GALNT17: variants seen among roughly 807,000 people sequenced by gnomAD.
The protein encoded by GALNT17 is polypeptide N-acetylgalactosaminyltransferase 17, also known as UDP-GalNAc:polypeptide N-acetylgalactosaminyltransferase-like 3.
In GALNT17, 29 loss-of-function variants were observed where a neutral mutation model predicts 63.7. The observed-to-expected ratio is 0.46, with a 90% confidence interval of 0.34 to 0.62. The LOEUF (loss-of-function observed/expected upper bound fraction) is 0.62. GALNT17 is among the 20% of genes least tolerant of loss of function. The pLI is 0.01. For synonymous variants in GALNT17, 305 were observed against 318.3 expected, an observed-to-expected ratio of 0.96 and a Z score of 0.45; for missense variants, 603 against 799.6, an observed-to-expected ratio of 0.75 and a Z score of 2.97.
At chr7:71,418,874 G>C (rs1786604933) in intron 4 of GALNT17, among the ~76,000 whole-genome samples, 1 of 152,152 alleles carries the variant, frequency 6.6e-6, no homozygotes, top group Non-Finnish European at 1.5e-5. Context: ...GAGGCGGGCG[G>C]ATCACCTGAG....
chr7:71,617,022 A>G (rs751058228), intron 6 of GALNT17, among the ~76,000 whole-genome samples: 11 of 123,988 alleles, frequency 8.9e-5, no homozygotes, highest in Non-Finnish European at 7.0e-5. Context: ...ATTAAATACT[A>G]TTAACTATAT....
intron 1 of GALNT17, among the ~76,000 whole-genome samples, chr7:71,314,541 A>T (rs1362417227): frequency 1.3e-5 from 2 of 152,186 alleles, no homozygotes; most frequent in East Asian, 3.9e-4. Context: ...GAAAGTCTGG[A>T]AAGAAGGACA....
intron 5 of GALNT17, among the ~76,000 whole-genome samples, chr7:71,489,598 G>T (rs73179306): frequency 6.6e-6 from 1 of 152,366 alleles, no homozygotes; most frequent in Non-Finnish European, 1.5e-5. Context: ...AACCTCAGAA[G>T]GGAGAGCCCC....
intron 1 of GALNT17, among the ~76,000 whole-genome samples, chr7:71,164,908 T>C (rs971087765): frequency 3.9e-5 from 6 of 152,248 alleles, no homozygotes; most frequent in Non-Finnish European, 8.8e-5. Context: ...AGTCATCTTC[T>C]CTAAGAAGCC....
intron 1 of GALNT17, among the ~76,000 whole-genome samples, chr7:71,277,560 C>T (rs1179544985): frequency 2.0e-5 from 3 of 152,132 alleles, no homozygotes; most frequent in African/African-American, 7.2e-5. Context: ...CAGTATATGA[C>T]ATGTCACATT....
At chr7:71,223,374 T>C (rs1789622607) in intron 1 of GALNT17, among the ~76,000 whole-genome samples, 1 of 152,154 alleles carries the variant, frequency 6.6e-6, no homozygotes, top group Non-Finnish European at 1.5e-5. Context: ...TATATCAGTA[T>C]GGACTTATGA....
At chr7:71,397,617 C>G (rs1191529707) in intron 3 of GALNT17, among the ~76,000 whole-genome samples, 1 of 152,188 alleles carries the variant, frequency 6.6e-6, no homozygotes, top group Non-Finnish European at 1.5e-5. Context: ...CTGCATCTAT[C>G]TGAAGTCACA....
At chr7:71,626,997 T>A (rs1474259345) in intron 6 of GALNT17, among the ~76,000 whole-genome samples, 1 of 152,186 alleles carries the variant, frequency 6.6e-6, no homozygotes, top group Non-Finnish European at 1.5e-5. Flanking sequence ...TCCAGTCACT[T>A]GTGACCTCGG....
chr7:71,388,262 C>T lies in GALNT17; in HGVS notation c.450C>T (p.Asp150=). The T allele has an allele frequency of 6.2e-7, 1 of 1,613,950 alleles. No individual in the cohort carries two copies. The highest frequency in any genetic ancestry group is 8.5e-7 in the Non-Finnish European group (1 of 1,179,938). Residue 150 remains aspartate, a synonymous_variant, in exon 3 of 11, where the codon GAC becomes GAT. Transcript: ENST00000333538. ...GTAAGGAGCTCAAGTACTCCAAGGA[C>T]CTGCCCCAGATATCCATCATATTCA... is the stretch of plus-strand genomic sequence containing the variant. ...TKCKELKYSK[D]LPQISIIFIF... is the part of the protein sequence containing the mutation.
chr7:71,166,212 A>G (rs1035789886), intron 1 of GALNT17, among the ~76,000 whole-genome samples: 3 of 152,216 alleles, frequency 2.0e-5, no homozygotes, highest in Non-Finnish European at 4.4e-5. Flanking sequence ...TCAGCTAAAT[A>G]CTGCGTGTGC....
At chr7:71,610,501 T>A (rs1790110053) in intron 6 of GALNT17, among the ~76,000 whole-genome samples, 2 of 151,398 alleles carry the variant, frequency 1.3e-5, no homozygotes, top group South Asian at 4.2e-4. Flanking sequence ...AAATAAAAAA[T>A]TTTCCCTAAA....
chr7:71,498,643 G>A (rs747299370), intron 5 of GALNT17, among the ~76,000 whole-genome samples: 5 of 152,142 alleles, frequency 3.3e-5, no homozygotes, highest in Admixed American at 2.6e-4. Context: ...TGTACAAGGA[G>A]GAGATGAACA....
At position 71,132,509 on chromosome 7, in the gene GALNT17, C is replaced by T. The variant is rs995096687; in HGVS notation, c.-294C>T. On this transcript the variant is annotated 5_prime_UTR_variant, in exon 1 of 11. Coordinates refer to ENST00000333538, the MANE Select transcript of GALNT17 (RefSeq NM_022479.3). Reference sequence around the variant, plus strand: ...TGGTGCAGAAGAGAAACCCTCAAATCCCTGGCCTTTCGCGGAGACGCCTGG... The same window carrying T: ...TGGTGCAGAAGAGAAACCCTCAAATTCCTGGCCTTTCGCGGAGACGCCTGG... The T allele has an allele frequency of 7.8e-6, 3 of 383,772 alleles. No homozygotes were observed. The highest frequency in any genetic ancestry group is 7.1e-4 in the Middle Eastern group (1 of 1,404). 23.8% of individuals were successfully genotyped at this position (383,772 alleles called of 1,614,324 possible). A position where few individuals can be genotyped will look rare whatever the true frequency, so the allele number is the denominator to read the frequency against.
At chr7:71,479,137 A>G (rs939280318) in intron 5 of GALNT17, among the ~76,000 whole-genome samples, 1 of 152,166 alleles carries the variant, frequency 6.6e-6, no homozygotes, top group African/African-American at 2.4e-5. Flanking sequence ...GGAAGAACTC[A>G]CTAGCAACCA....
intron 1 of GALNT17, among the ~76,000 whole-genome samples, chr7:71,325,939 C>T (rs932000593): frequency 1.3e-5 from 2 of 152,178 alleles, no homozygotes; most frequent in Non-Finnish European, 2.9e-5. Flanking sequence ...ACAGCCTCAC[C>T]TGCCAACGTA....
At position 71,543,037 on chromosome 7, in the gene GALNT17, TA is replaced by T. The variant is rs1554306349; in HGVS notation, c.963-28232del. ...CTTTAGTGTTTAGTTTGACCTTTGT[TA>T]AAAAAAAAAAAAAAAGCCCACACAC... On this transcript the variant is annotated intron_variant, in intron 5 of 10. Transcript: ENST00000333538. Among the ~76,000 whole-genome samples, 1,235 of 130,656 alleles carry T rather than the reference TA, an allele frequency of 9.5e-3. 5 individuals are homozygous for T. The highest frequency in any genetic ancestry group is 0.038 in the Middle Eastern group (10 of 266). 85.7% of individuals were successfully genotyped at this position (130,656 alleles called of 152,430 possible).
intron 6 of GALNT17, among the ~76,000 whole-genome samples, chr7:71,632,955 C>T (rs560441069): frequency 4.6e-5 from 7 of 151,576 alleles, no homozygotes; most frequent in African/African-American, 1.7e-4. Flanking sequence ...AATACAAAAA[C>T]TAGCTGGGCA....
intron 6 of GALNT17, among the ~76,000 whole-genome samples, chr7:71,581,407 G>C (rs926984162): frequency 6.6e-6 from 1 of 152,030 alleles, no homozygotes; most frequent in East Asian, 1.9e-4. Context: ...TGATCCACCC[G>C]CCTTGGCCTC....
At chr7:71,532,565 A>G (rs1316752931) in intron 5 of GALNT17, among the ~76,000 whole-genome samples, 1 of 152,202 alleles carries the variant, frequency 6.6e-6, no homozygotes, top group African/African-American at 2.4e-5. Flanking sequence ...CAATTACTGC[A>G]GTCACCCCAG....
Sources: allele counts gnomAD v4.1 joint callset (sites outside exome capture counted in the v4.1 genomes callset), GRCh38; gene constraint gnomAD v4.1.1; transcripts MANE v1.5; gene names NCBI Gene and HGNC (gene_info 2026-07-23, HGNC 2026-07-21).